The following FHIT variants were observed in gnomAD, a reference collection of about 807,000 sequenced individuals.
FHIT encodes bis(5'-adenosyl)-triphosphatase.
In FHIT, 19 loss-of-function variants were observed where a neutral mutation model predicts 17.9. The observed-to-expected ratio is 1.06, with a 90% confidence interval of 0.74 to 1.56. The LOEUF is 1.56. Ranked by LOEUF, FHIT falls within the 40% of genes most tolerant of loss-of-function variation. The probability of loss-of-function intolerance (pLI) is 0.00; values close to 1 mark genes in which losing one functional copy is unlikely to be tolerated. For missense variants in FHIT, 248 were observed against 189.2 expected, an observed-to-expected ratio of 1.31 and a Z score of -1.82; for synonymous variants, 81 against 69.7, an observed-to-expected ratio of 1.16 and a Z score of -0.81.
intron 5 of FHIT, among the ~76,000 whole-genome samples, chr3:60,104,125 T>C (rs1387980871): frequency 6.6e-6 from 1 of 152,190 alleles, no homozygotes; most frequent in African/African-American, 2.4e-5. Context: ...AGAACTCATT[T>C]TGGGGAGGAA....
chr3:60,336,429 A>G (rs1710243876), intron 5 of FHIT, among the ~76,000 whole-genome samples: 1 of 152,250 alleles, frequency 6.6e-6, no homozygotes, highest in African/African-American at 2.4e-5. Context: ...CAGCTGTTAA[A>G]GAATGGCTTT....
At chr3:60,381,426 C>T (rs755144817) in intron 5 of FHIT, among the ~76,000 whole-genome samples, 10 of 150,808 alleles carry the variant, frequency 6.6e-5, no homozygotes, top group Non-Finnish European at 1.2e-4. Flanking sequence ...TGCAATGAGC[C>T]GAGACCGTGC....
chr3:60,226,520 A>G lies in FHIT; in HGVS notation c.104-212368T>C, dbSNP rs572847823. On this transcript the variant is annotated intron_variant, in intron 5 of 9. Transcript: ENST00000492590. ...CACTGCCTGCCTGCACTATACTAAC[A>G]TGTTCTGTAATCCCTCTCCTTTACC... Among the ~76,000 whole-genome samples the G allele has an allele frequency of 7.3e-5, 11 of 150,222 alleles. No homozygotes were observed. The East Asian group carries it at 2.2e-3, about 29-fold the overall frequency.
At chr3:60,982,809 T>C (rs1046730702) in intron 3 of FHIT, among the ~76,000 whole-genome samples, 6 of 152,256 alleles carry the variant, frequency 3.9e-5, no homozygotes, top group Non-Finnish European at 7.3e-5. Flanking sequence ...ATTCCAGTAC[T>C]AGAACATCAT....
At chr3:59,938,246 C>T (rs555387354) in intron 7 of FHIT, among the ~76,000 whole-genome samples, 84 of 152,108 alleles carry the variant, frequency 5.5e-4, no homozygotes, top group Admixed American at 2.1e-3. Context: ...CTGTCATTTG[C>T]ACCAACAAGG....
At chr3:60,711,890 A>C (rs2041543930) in intron 4 of FHIT, among the ~76,000 whole-genome samples, 1 of 152,214 alleles carries the variant, frequency 6.6e-6, no homozygotes, top group Non-Finnish European at 1.5e-5. Flanking sequence ...CTAGCAAGGC[A>C]GGCCAACATT....
intron 4 of FHIT, among the ~76,000 whole-genome samples, chr3:60,705,140 C>A (rs2041341879): frequency 6.6e-6 from 1 of 151,716 alleles, no homozygotes; most frequent in African/African-American, 2.4e-5. Context: ...TACAAGATAG[C>A]AACAATCATA....
intron 5 of FHIT, among the ~76,000 whole-genome samples, chr3:60,362,314 T>C (rs1699938206): frequency 6.6e-6 from 1 of 152,206 alleles, no homozygotes; most frequent in Non-Finnish European, 1.5e-5. Flanking sequence ...AGTAATCCTA[T>C]ATATCTGCTG....
intron 3 of FHIT, among the ~76,000 whole-genome samples, chr3:60,897,504 A>T (rs1246989386): frequency 6.6e-5 from 10 of 152,212 alleles, no homozygotes; most frequent in African/African-American, 2.2e-4. Flanking sequence ...ATCAGATTTT[A>T]CTACATCTGA....
intron 8 of FHIT, among the ~76,000 whole-genome samples, chr3:59,880,886 A>G (rs1169922965): frequency 6.6e-6 from 1 of 152,172 alleles, no homozygotes; most frequent in East Asian, 1.9e-4. Flanking sequence ...ATATTCTCAG[A>G]CTACATGGAA....
At chr3:61,104,874 A>T (rs772306224) in intron 2 of FHIT, among the ~76,000 whole-genome samples, 14 of 152,068 alleles carry the variant, frequency 9.2e-5, no homozygotes, top group Non-Finnish European at 1.9e-4. Flanking sequence ...AATACTTGTG[A>T]TTGCATTATG....
chr3:60,383,995 G>T (rs192160065), intron 5 of FHIT, among the ~76,000 whole-genome samples: 1 of 152,088 alleles, frequency 6.6e-6, no homozygotes, highest in East Asian at 1.9e-4. Flanking sequence ...TAGGACAGGC[G>T]CAGGTGGCCC....
At chr3:60,971,883 A>T (rs1474362747) in intron 3 of FHIT, among the ~76,000 whole-genome samples, 1 of 152,230 alleles carries the variant, frequency 6.6e-6, no homozygotes, top group Non-Finnish European at 1.5e-5. Context: ...ATGTTTACTT[A>T]GTCATACAAG....
At chr3:60,974,280 C>T (rs1710145423) in intron 3 of FHIT, among the ~76,000 whole-genome samples, 2 of 152,118 alleles carry the variant, frequency 1.3e-5, no homozygotes, top group African/African-American at 2.4e-5. Context: ...CCTTCTCCTC[C>T]TCCTGCCTTT....
intron 4 of FHIT, among the ~76,000 whole-genome samples, chr3:60,624,304 G>T (rs1432506093): frequency 6.6e-6 from 1 of 152,174 alleles, no homozygotes; most frequent in African/African-American, 2.4e-5. Flanking sequence ...AGCAGCTTGG[G>T]CTTCAACTTG....
chr3:59,969,841 G>A (rs972633656), intron 7 of FHIT, among the ~76,000 whole-genome samples: 8 of 152,080 alleles, frequency 5.3e-5, no homozygotes, highest in African/African-American at 1.9e-4. Flanking sequence ...TGATACTGCA[G>A]AGGCCACTTA....
At chr3:60,169,314 C>T (rs1253875049) in intron 5 of FHIT, among the ~76,000 whole-genome samples, 2 of 152,026 alleles carry the variant, frequency 1.3e-5, no homozygotes, top group African/African-American at 2.4e-5. Context: ...ACCCTGAAAA[C>T]AGTGTGGTTA....
At chr3:59,970,243 AGG>A (rs1163737972) in intron 7 of FHIT, among the ~76,000 whole-genome samples, 1 of 152,164 alleles carries the variant, frequency 6.6e-6, no homozygotes, top group Non-Finnish European at 1.5e-5. Context: ...TAGGTCTTTA[AGG>A]GGGAAAATAT....
At chr3:60,069,644 G>T (rs1210722459) in intron 5 of FHIT, among the ~76,000 whole-genome samples, 1 of 152,144 alleles carries the variant, frequency 6.6e-6, no homozygotes, top group South Asian at 2.1e-4. Flanking sequence ...TTTGGGCACT[G>T]TGGCTGAGAG....
Sources: gnomAD v4.1 joint callset for allele counts (sites outside exome capture counted in the v4.1 genomes callset) on GRCh38, gnomAD v4.1.1 for gene constraint, MANE v1.5 for transcripts, NCBI Gene and HGNC (gene_info 2026-07-23, HGNC 2026-07-21) for gene names.